Variants in SNX29 observed in about 807,000 individuals in gnomAD.
SNX29 encodes sorting nexin 29.
In SNX29, 78 loss-of-function variants were observed where a neutral mutation model predicts 102.1. The observed-to-expected ratio is 0.76, with a 90% confidence interval of 0.64 to 0.92. SNX29 has a LOEUF of 0.92. Ranked by LOEUF, SNX29 falls within the 40% of genes least tolerant of loss-of-function variation. SNX29 has a pLI of 0.00. For missense variants in SNX29, 1,280 were observed against 1,061.7 expected, an observed-to-expected ratio of 1.21 and a Z score of -2.86; for synonymous variants, 580 against 414.5, an observed-to-expected ratio of 1.40 and a Z score of -4.85.
intron 1 of SNX29, among the ~76,000 whole-genome samples, chr16:11,978,116 A>T (rs1293222758): frequency 6.6e-6 from 1 of 152,034 alleles, no homozygotes; most frequent in Non-Finnish European, 1.5e-5. Context: ...TGTTTTTGTT[A>T]TTCAAGGGCA....
At chr16:12,060,655 A>T (rs1652161582) in intron 8 of SNX29, among the ~76,000 whole-genome samples, 1 of 152,170 alleles carries the variant, frequency 6.6e-6, no homozygotes. Flanking sequence ...GGTTTTTTGA[A>T]ACGGTTGATA....
chr16:12,386,398 G>T (rs1221347730), intron 16 of SNX29, among the ~76,000 whole-genome samples: 1 of 152,186 alleles, frequency 6.6e-6, no homozygotes, highest in African/African-American at 2.4e-5. Context: ...TTCCATGGAG[G>T]AGGAAGCGAA....
intron 9 of SNX29, among the ~76,000 whole-genome samples, chr16:12,068,497 C>CAAAAAA (rs150995842): frequency 1.1e-5 from 1 of 87,460 alleles, no homozygotes; most frequent in Non-Finnish European, 2.1e-5. Context: ...GACCCTGTCT[C>CAAAAAA]AAAAAAAAAA....
At chr16:12,213,859 G>T (rs1220135808) in intron 14 of SNX29, among the ~76,000 whole-genome samples, 1 of 152,186 alleles carries the variant, frequency 6.6e-6, no homozygotes, top group East Asian at 1.9e-4. Flanking sequence ...GGCTTATTTG[G>T]CAGATAAGGA....
chr16:12,220,236 A>G (rs756541701), intron 14 of SNX29, among the ~76,000 whole-genome samples: 1 of 147,262 alleles, frequency 6.8e-6, no homozygotes, highest in African/African-American at 2.5e-5. Flanking sequence ...TACCAGGAAG[A>G]TGCATCACTT....
At chr16:11,979,275 C>CAAAAAAAAAAAAAAAAAAAAAAAA (rs71139569) in intron 1 of SNX29, among the ~76,000 whole-genome samples, 3 of 61,998 alleles carry the variant, frequency 4.8e-5, no homozygotes, top group African/African-American at 1.5e-4. Flanking sequence ...ACTCAGTCTC[C>CAAAAAAAAAAAAAAAAAAAAAAAA]AAAAAAAAAA....
At chr16:12,199,526 C>T (rs2076860943) in intron 13 of SNX29, 75 bp from the exon 14 acceptor site, 2 of 1,293,314 alleles carry the variant, frequency 1.5e-6, no homozygotes, top group African/African-American at 1.5e-5. Context: ...ATTCACCACC[C>T]ACCCCTGCCC....
At position 12,251,484 on chromosome 16, in the gene SNX29, C is replaced by T. The variant is rs149276495; in HGVS notation, c.1679-26449C>T. Among the ~76,000 whole-genome samples the T allele has an allele frequency of 3.7e-3, 556 of 152,270 alleles. 3 individuals are homozygous for T. Among genetic ancestry groups the T allele is most frequent in the African/African-American group, 0.013 (529 of 41,566 alleles). ...TTGGGGGGCCAAGGTGGGTGGATCA[C>T]CTGAGGTCAGGAGTTCGAGACAATC... On this transcript the variant is annotated intron_variant, in intron 14 of 20. Transcript: ENST00000566228.
intron 13 of SNX29, among the ~76,000 whole-genome samples, chr16:12,162,968 G>A (rs1366372080): frequency 2.0e-5 from 3 of 152,026 alleles, no homozygotes; most frequent in East Asian, 1.9e-4. Flanking sequence ...TGCAACCTCC[G>A]CCTCCAGGGT....
intron 16 of SNX29, among the ~76,000 whole-genome samples, chr16:12,365,360 G>GTGTA (rs923732826): frequency 1.9e-4 from 28 of 151,276 alleles, no homozygotes; most frequent in Middle Eastern, 3.4e-3. Context: ...GTGTGTGTGT[G>GTGTA]TGTGTTTAGC....
chr16:12,053,323 A>G (rs1337572646), intron 8 of SNX29: 2 of 151,418 alleles, frequency 1.3e-5, no homozygotes, highest in East Asian at 1.9e-4. Context: ...AAATACCCCA[A>G]ATAAGCTAGT....
At chr16:12,062,626 T>C (rs2050826917) in intron 9 of SNX29, among the ~76,000 whole-genome samples, 1 of 152,086 alleles carries the variant, frequency 6.6e-6, no homozygotes, top group Non-Finnish European at 1.5e-5. Flanking sequence ...AGAACACCGC[T>C]GGGTCAGAGA....
chr16:12,420,488 G>A (rs777718048), intron 18 of SNX29, among the ~76,000 whole-genome samples: 1 of 152,156 alleles, frequency 6.6e-6, no homozygotes, highest in Non-Finnish European at 1.5e-5. Context: ...AACCTCTGCA[G>A]TGAGGCACAT....
chr16:12,041,447 T>G (rs1446000205), intron 4 of SNX29, among the ~76,000 whole-genome samples: 1 of 152,222 alleles, frequency 6.6e-6, no homozygotes, highest in East Asian at 1.9e-4. Context: ...TGTAACAAAT[T>G]AATACACAGT....
chr16:12,028,631 T>A (rs1328784032), intron 4 of SNX29, among the ~76,000 whole-genome samples: 1 of 151,982 alleles, frequency 6.6e-6, no homozygotes, highest in Non-Finnish European at 1.5e-5. Context: ...GCCAACTAGC[T>A]GGGATTACAA....
intron 1 of SNX29, among the ~76,000 whole-genome samples, chr16:11,985,135 T>A (rs73513701): frequency 6.6e-6 from 1 of 152,092 alleles, no homozygotes; most frequent in East Asian, 1.9e-4. Context: ...CTCAGTTGAA[T>A]TGATTTGATT....
intron 9 of SNX29, among the ~76,000 whole-genome samples, chr16:12,065,780 C>T (rs1223385164): frequency 6.6e-6 from 1 of 152,122 alleles, no homozygotes; most frequent in Non-Finnish European, 1.5e-5. Context: ...TTCAGTCTTC[C>T]CACTGGATCA....
chr16:12,547,734 C>A (rs1007318359), intron 20 of SNX29, among the ~76,000 whole-genome samples: 1 of 152,110 alleles, frequency 6.6e-6, no homozygotes, highest in African/African-American at 2.4e-5. Flanking sequence ...CATCACTGCC[C>A]CTCTAAGCCT....
intron 11 of SNX29, among the ~76,000 whole-genome samples, chr16:12,106,838 C>T (rs1056411243): frequency 6.7e-6 from 1 of 149,414 alleles, no homozygotes; most frequent in African/African-American, 2.5e-5. Flanking sequence ...TTTTTTGAGA[C>T]CGGGTCTCAC....
Sources: gnomAD v4.1 joint callset for allele counts (sites outside exome capture counted in the v4.1 genomes callset) on GRCh38, gnomAD v4.1.1 for gene constraint, MANE v1.5 for transcripts, NCBI Gene and HGNC (gene_info 2026-07-23, HGNC 2026-07-21) for gene names.